CDC42BPB: variants seen among roughly 807,000 people sequenced by gnomAD.
CDC42BPB encodes the protein CDC42 binding protein kinase beta.
CDC42BPB carries 37 observed loss-of-function variants against 214.9 expected under a neutral mutation model. The ratio of observed to expected loss-of-function variants is 0.17; its 90% CI spans 0.13 to 0.23. CDC42BPB has a LOEUF of 0.23. Ranked by LOEUF, CDC42BPB falls within the 10% of genes least tolerant of loss-of-function variation. The pLI is 1.00. For synonymous variants in CDC42BPB, 931 were observed against 884.0 expected (o/e 1.05, Z -0.94); for missense variants, 1,694 against 2,227.0 (o/e 0.76, Z 4.82).
At chr14:103,056,877 G>C in intron 1 of CDC42BPB, 122 bp downstream of exon 1, 1 of 634,900 alleles carries the variant, frequency 1.6e-6, no homozygotes, top group Non-Finnish European at 2.4e-6. Flanking sequence ...CGAAGCCCAC[G>C]AGCTGGGTGG....
At chr14:103,013,643 G>T (rs1351696786) in intron 1 of CDC42BPB, among the ~76,000 whole-genome samples, 2 of 152,252 alleles carry the variant, frequency 1.3e-5, no homozygotes, top group African/African-American at 4.8e-5. Flanking sequence ...GACTCAGACA[G>T]AGGTAAAAAG....
chr14:103,026,405 CAAAACAAAAA>C (rs1887057839), intron 1 of CDC42BPB, among the ~76,000 whole-genome samples: 2 of 151,692 alleles, frequency 1.3e-5, no homozygotes, highest in South Asian at 2.1e-4. Flanking sequence ...CAAAACAAAA[CAAAACAAAAA>C]ACCACATGTA....
intron 3 of CDC42BPB, among the ~76,000 whole-genome samples, chr14:103,005,804 G>A (rs1444218908): frequency 2.6e-5 from 4 of 152,048 alleles, no homozygotes; most frequent in Admixed American, 6.6e-5. Flanking sequence ...GACGGATCGC[G>A]AGGTCAGGAG....
At position 102,944,301 on chromosome 14, in the gene CDC42BPB, G is replaced by A. The variant is rs539439670; in HGVS notation, c.3998C>T (p.Thr1333Met). The A allele has an allele frequency of 1.1e-4, 176 of 1,613,084 alleles. 2 individuals are homozygous for A. The South Asian group carries it at 1.7e-3, about 16-fold the overall frequency. The stretch of plus-strand genomic sequence containing the variant: ...GCCAGAGTTCCTCTTGAGTGTGGCC[G>A]TGGCCATGAGCTGGCAGCCTTTGGT... ...PETKGCQLMA[T>M]ATLKRNSGTC... is the part of the protein sequence containing the mutation. Residue 1333 changes from threonine (T) to methionine (M), a missense_variant, in exon 30 of 37, where the codon ACG becomes ATG. Coordinates refer to ENST00000361246, the MANE Select transcript of CDC42BPB (RefSeq NM_006035.4). The surrounding 1 kb of genome is among the most constrained non-coding windows in gnomAD (Gnocchi z 6.6).
At chr14:102,982,963 CAA>C (rs1218118087) in intron 7 of CDC42BPB, among the ~76,000 whole-genome samples, 1 of 151,718 alleles carries the variant, frequency 6.6e-6, no homozygotes, top group Non-Finnish European at 1.5e-5. Context: ...AAAAGGAAAA[CAA>C]AGGAGGTGGA....
At chr14:103,043,349 T>C (rs1367885705) in intron 1 of CDC42BPB, among the ~76,000 whole-genome samples, 3 of 152,166 alleles carry the variant, frequency 2.0e-5, no homozygotes, top group Non-Finnish European at 4.4e-5. Context: ...GAGTACTATT[T>C]GGCCATAAAA....
intron 4 of CDC42BPB, chr14:102,999,923 A>T: frequency 1.0e-6 from 1 of 985,116 alleles, no homozygotes; most frequent in South Asian, 4.7e-5. Flanking sequence ...CATATGGCAG[A>T]GAGTGGACTT....
chr14:102,952,894 C>T (rs1241044205), intron 23 of CDC42BPB: 2 of 207,810 alleles, frequency 9.6e-6, no homozygotes, highest in African/African-American at 2.4e-5. Context: ...ATGGCCAGTG[C>T]TCTTTCTGGC....
rs1230235739 is a variant in CDC42BPB, at chr14:102,963,706, TG to T, written c.2727-552del. On this transcript the variant is annotated intron_variant, in intron 19 of 36. Coordinates refer to ENST00000361246, the MANE Select transcript of CDC42BPB (RefSeq NM_006035.4). ...AAATCACCTGCGGAGTGTGTGTAAG[TG>T]GGAGTAACAAGACTGCCTACCCTGT... Among the ~76,000 whole-genome samples the T allele has an allele frequency of 2.0e-5, 3 of 152,156 alleles. No individual in the cohort carries two copies. In the East Asian group the frequency reaches 5.8e-4, roughly 29 times the overall value.
intron 27 of CDC42BPB, 52 bp from the exon 28 acceptor site, chr14:102,946,736 G>A (rs375772386): frequency 1.5e-5 from 24 of 1,596,886 alleles, no homozygotes; most frequent in Middle Eastern, 3.5e-4. Flanking sequence ...CGCCAAAGCC[G>A]CACGCAGCTA....
Position 102,944,897 on chromosome 14 carries a change from A to G in CDC42BPB, c.3812-410T>C, listed in dbSNP as rs1262302938. ...GCCCTCACGCTGCACATGAGGGACA[A>G]AGAGCTGTCCCCAACCCACTGGGAC... is the stretch of plus-strand genomic sequence containing the variant. On this transcript the variant is annotated intron_variant, in intron 29 of 36. Transcript: ENST00000361246. This position sits in a 1 kb window ranked among gnomAD's most constrained non-coding sequence, Gnocchi z 6.6. 6.6e-6 allele frequency among the ~76,000 whole-genome samples: 1 copy of G among 152,158 alleles called. No individual in the cohort carries two copies. The highest frequency in any genetic ancestry group is 1.5e-5 in the Non-Finnish European group (1 of 68,024).
intron 5 of CDC42BPB, among the ~76,000 whole-genome samples, chr14:102,991,644 G>C (rs929154786): frequency 6.6e-6 from 1 of 152,162 alleles, no homozygotes; most frequent in Non-Finnish European, 1.5e-5. Flanking sequence ...AAATCTGTAC[G>C]TGTGTGTACA....
chr14:103,035,079 G>A (rs933478631), intron 1 of CDC42BPB, among the ~76,000 whole-genome samples: 7 of 149,396 alleles, frequency 4.7e-5, no homozygotes, highest in Admixed American at 6.7e-5. Context: ...TTTTTGAGAC[G>A]GAGTTTCGCT....
At chr14:103,008,237 T>C (rs1368325482) in intron 3 of CDC42BPB, among the ~76,000 whole-genome samples, 1 of 152,226 alleles carries the variant, frequency 6.6e-6, no homozygotes, top group African/African-American at 2.4e-5. Context: ...CCCGCCAACA[T>C]TCTCGAGGGT....
Position 102,939,744 on chromosome 14 carries a change from CT to C in CDC42BPB, c.4710-18del. ...AGCATCTCTCTGGGGAAAGGACACA[CT>C]TTTGAGATTCATGGATACGTGAGAA... is the stretch of plus-strand genomic sequence containing the variant. On this transcript the variant is annotated intron_variant, in intron 33 of 36. Transcript: ENST00000361246. 5 of 1,614,146 alleles carry C rather than the reference CT, an allele frequency of 3.1e-6. No individual in the cohort carries two copies. Among genetic ancestry groups the C allele is most frequent in the Non-Finnish European group, 4.2e-6 (5 of 1,180,024 alleles).
In CDC42BPB at chr14:102,933,808, C is replaced by T. The variant is rs369647222; in HGVS notation, c.5040G>A (p.Ser1680=). The change falls in exon 37 of 37, where the codon TCG becomes TCA. Residue 1680 remains serine, a synonymous_variant. Transcript: ENST00000361246. The stretch of plus-strand genomic sequence containing the variant: ...GTGGGCCGCTGGGGTTGGAGCTATT[C>T]GATGGAGTTGAGTGTTTGGTGGAGT... ...DSDSTKHSTP[S]NSSNPSGPPS... 5.7e-5 allele frequency: 86 copies of T among 1,514,580 alleles called. No homozygotes were observed. The highest frequency in any genetic ancestry group is 3.4e-4 in the Middle Eastern group (2 of 5,862). 93.8% of individuals were successfully genotyped at this position (1,514,580 alleles called of 1,614,324 possible). A position where few individuals can be genotyped will look rare whatever the true frequency, so the allele number is the denominator to read the frequency against.
rs1188356478 is a variant in CDC42BPB at position 102,966,272 on chromosome 14, C to T, written c.2577+10G>A. 1.9e-6 allele frequency: 3 copies of T among 1,601,244 alleles called. No individual in the cohort carries two copies. The highest frequency in any genetic ancestry group is 2.6e-6 in the Non-Finnish European group (3 of 1,168,352). On this transcript the variant is annotated intron_variant, in intron 18 of 36. Coordinates refer to ENST00000361246, the MANE Select transcript of CDC42BPB (RefSeq NM_006035.4). ...CAGTAATAGAAATGCAGGCATTACA[C>T]AAAACCTACCAGTGTTCTTGACCCC...
chr14:102,973,660 G>A (rs748811084), intron 12 of CDC42BPB, among the ~76,000 whole-genome samples: 8 of 149,690 alleles, frequency 5.3e-5, no homozygotes, highest in South Asian at 2.1e-4. Context: ...CCCTGTGCAC[G>A]GCCACCATGC....
rs1892441005 is a variant in CDC42BPB at position 102,950,543 on chromosome 14, G to A, written c.3232C>T (p.Pro1078Ser). 1 of 1,611,900 alleles carries A rather than the reference G, an allele frequency of 6.2e-7. No individual in the cohort carries two copies. Among genetic ancestry groups the A allele is most frequent in the Non-Finnish European group, 8.5e-7 (1 of 1,179,242 alleles). Residue 1078 changes from proline to serine, a missense_variant, in exon 25 of 37, where the codon CCT becomes TCT. Transcript: ENST00000361246. ...KDGAPQVCPIPPEQSKRPLGV... is the reference protein window; with the variant it reads ...KDGAPQVCPISPEQSKRPLGV... ...AGAGGCCTCTTGGACTGCTCGGGAG[G>A]TATTGGGCACACCTGGGGGGCACCG...
Sources: allele counts gnomAD v4.1 joint callset (sites outside exome capture counted in the v4.1 genomes callset), GRCh38; gene constraint gnomAD v4.1.1; non-coding constraint Gnocchi (gnomAD v3.1); transcripts MANE v1.5; gene names NCBI Gene and HGNC (gene_info 2026-07-23, HGNC 2026-07-21).